LZTFL1: variants seen among roughly 807,000 people sequenced by gnomAD.
LZTFL1 encodes the protein leucine zipper transcription factor like 1.
LZTFL1 carries 25 observed loss-of-function variants against 45.9 expected under a neutral mutation model. The observed-to-expected ratio is 0.54, with a 90% CI of 0.40 to 0.76. The LOEUF (loss-of-function observed/expected upper bound fraction) is 0.76, where lower values mean the gene tolerates loss of function less well. Among genes scored for constraint, LZTFL1 ranks in the 30% least tolerant of loss-of-function variants. The pLI is 0.00. For synonymous variants in LZTFL1, 93 were observed against 117.4 expected (o/e 0.79, Z 1.35); for missense variants, 277 against 331.1 (o/e 0.84, Z 1.27).
At chr3:45,906,159 C>A (rs1175068898) in intron 2 of LZTFL1, among the ~76,000 whole-genome samples, 2 of 152,178 alleles carry the variant, frequency 1.3e-5, no homozygotes, top group African/African-American at 2.4e-5. Context: ...ACTGGGTATG[C>A]AGGAGATCCA....
chr3:45,879,189 A>G (rs941566168), intron 2 of LZTFL1, among the ~76,000 whole-genome samples: 5 of 152,172 alleles, frequency 3.3e-5, no homozygotes, highest in Non-Finnish European at 7.3e-5. Flanking sequence ...ACTTATGGCC[A>G]CACAAAGATC....
chr3:45,880,076 G>A (rs1701824636), intron 2 of LZTFL1, among the ~76,000 whole-genome samples: 2 of 152,176 alleles, frequency 1.3e-5, no homozygotes, highest in South Asian at 4.1e-4. Context: ...AGAGCTGAGG[G>A]TGGATCCTGC....
Position 45,901,578 on chromosome 3 carries a change from G to A in LZTFL1, c.-215+11542C>T. 1 of 1,614,198 alleles carries A rather than the reference G, an allele frequency of 6.2e-7. No homozygotes were observed. Among genetic ancestry groups the A allele is most frequent in the Non-Finnish European group, 8.5e-7 (1 of 1,180,026 alleles). On this transcript the variant is annotated intron_variant, in intron 2 of 4. Transcript: ENST00000472635. The surrounding 1 kb of genome is among the most constrained non-coding windows in gnomAD (Gnocchi z 4.3). ...GACCATCACTGTCCTGACCGTCTTTGTCTTGTCTCAGTTTCCCTACAACTG... is the reference window on the plus strand; with the variant it reads ...GACCATCACTGTCCTGACCGTCTTTATCTTGTCTCAGTTTCCCTACAACTG...
chr3:45,848,453 A>AT (rs1265034536), intron 4 of LZTFL1, among the ~76,000 whole-genome samples: 10 of 152,230 alleles, frequency 6.6e-5, no homozygotes, highest in Non-Finnish European at 8.8e-5. Context: ...GGCTTACAGT[A>AT]TTGCGCTACA....
chr3:45,824,301 G>C lies in LZTFL1; in HGVS notation c.*2013C>G, dbSNP rs1700609667. On this transcript the variant is annotated 3_prime_UTR_variant, in exon 10 of 10. Transcript: ENST00000296135. ...TCAGTTAAATTAGATAAGTCTTAAA[G>C]TTGGGAAACTACTAAAAACAATAAA... 6.6e-6 allele frequency: 1 copy of C among 152,012 alleles called. No homozygotes were observed. Among genetic ancestry groups the C allele is most frequent in the Non-Finnish European group, 1.5e-5 (1 of 67,986 alleles). 9.4% of individuals were successfully genotyped at this position (152,012 alleles called of 1,614,324 possible).
At position 45,901,691 on chromosome 3, in the gene LZTFL1, C is replaced by T. The variant is rs1702564100; in HGVS notation, c.-215+11429G>A. 1 of 1,614,074 alleles carries T rather than the reference C, an allele frequency of 6.2e-7. No homozygotes were observed. Among genetic ancestry groups the T allele is most frequent in the African/African-American group, 1.3e-5 (1 of 75,054 alleles). On this transcript the variant is annotated intron_variant, in intron 2 of 4. Coordinates refer to the LZTFL1 transcript ENST00000472635. The surrounding 1 kb of genome is among the most constrained non-coding windows in gnomAD (Gnocchi z 4.3). ...CCAACATTGACATCTGCTTCCAGGT[C>T]ACCCAGACCATCGCCTTCTTCCACA...
At chr3:45,828,302 CAT>C (rs1313360406) in intron 8 of LZTFL1, 135 bp downstream of exon 8, 1 of 704,946 alleles carries the variant, frequency 1.4e-6, no homozygotes, top group Non-Finnish European at 2.4e-6. Flanking sequence ...ATCTTTAGAA[CAT>C]ATTGGCTAAT....
intron 2 of LZTFL1, among the ~76,000 whole-genome samples, chr3:45,898,629 C>G (rs1002440591): frequency 1.3e-5 from 2 of 152,290 alleles, no homozygotes; most frequent in African/African-American, 4.8e-5. Flanking sequence ...TCAGATTTTC[C>G]CAGTTGTCAT....
intron 2 of LZTFL1, among the ~76,000 whole-genome samples, chr3:45,910,372 T>C (rs1702770990): frequency 6.6e-6 from 1 of 152,074 alleles, no homozygotes; most frequent in African/African-American, 2.4e-5. Context: ...AAGGATGACT[T>C]GGGTTTTGAA....
At chr3:45,878,897 A>G (rs1300925720) in intron 2 of LZTFL1, among the ~76,000 whole-genome samples, 1 of 152,232 alleles carries the variant, frequency 6.6e-6, no homozygotes, top group East Asian at 1.9e-4. Flanking sequence ...ACTGAAGAAG[A>G]TATGCAGATG....
intron 2 of LZTFL1, among the ~76,000 whole-genome samples, chr3:45,836,016 A>C (rs765798117): frequency 1.3e-5 from 2 of 152,216 alleles, no homozygotes; most frequent in Non-Finnish European, 2.9e-5. Context: ...ATACAAGTAA[A>C]TGCTCAAACA....
chr3:45,854,980 A>T (rs1390413447), intron 4 of LZTFL1: 1 of 1,525,618 alleles, frequency 6.6e-7, no homozygotes, highest in Non-Finnish European at 8.8e-7. Flanking sequence ...GCGCTTGTCA[A>T]CTTACAGAGC....
chr3:45,841,810 C>T, intron 1 of LZTFL1, 179 bp downstream of exon 1: 2 of 760,432 alleles, frequency 2.6e-6, no homozygotes, highest in East Asian at 2.7e-5. Flanking sequence ...CCCAGAAGGG[C>T]TTGGGCTGCG....
intron 2 of LZTFL1, among the ~76,000 whole-genome samples, chr3:45,881,074 T>TA (rs957824922): frequency 1.6e-4 from 24 of 152,200 alleles, no homozygotes; most frequent in African/African-American, 5.8e-4. Context: ...CAAATAAAAA[T>TA]AAAAAATCCT....
chr3:45,867,579 C>T (rs995960105), intron 2 of LZTFL1, among the ~76,000 whole-genome samples: 1 of 152,216 alleles, frequency 6.6e-6, no homozygotes, highest in African/African-American at 2.4e-5. Flanking sequence ...CACCGTGGCT[C>T]ATGCCTGTAA....
At chr3:45,842,168 T>C (rs2125695289), upstream of LZTFL1, 1 of 1,483,720 alleles carries the variant, frequency 6.7e-7, no homozygotes. Context: ...TGCATTTTCA[T>C]TGGTCCTCAG....
chr3:45,869,479 G>A (rs575657072), intron 2 of LZTFL1, among the ~76,000 whole-genome samples: 2 of 152,250 alleles, frequency 1.3e-5, no homozygotes, highest in South Asian at 4.1e-4. Context: ...GTAGTGGTTG[G>A]ATATTACCCT....
chr3:45,874,076 A>G (rs147858936), intron 2 of LZTFL1, among the ~76,000 whole-genome samples: 236 of 152,294 alleles, frequency 1.5e-3, no homozygotes, highest in African/African-American at 5.5e-3. Context: ...CATGTCAAAG[A>G]TGTTTCTGCC....
At chr3:45,883,286 T>C (rs540276316) in intron 2 of LZTFL1, among the ~76,000 whole-genome samples, 10 of 152,314 alleles carry the variant, frequency 6.6e-5, no homozygotes, top group African/African-American at 1.2e-4. Context: ...CAGAAGAAAT[T>C]TGATCATGTA....
Sources: allele counts gnomAD v4.1 joint callset (sites outside exome capture counted in the v4.1 genomes callset), GRCh38; gene constraint gnomAD v4.1.1; non-coding constraint Gnocchi (gnomAD v3.1); transcripts MANE v1.5; gene names NCBI Gene and HGNC (gene_info 2026-07-23, HGNC 2026-07-21).